Variants in SEC11A observed in about 807,000 individuals in gnomAD.
SEC11A encodes the protein SEC11 homolog A, signal peptidase complex subunit, also known as signal peptidase complex catalytic subunit SEC11A.
A neutral mutation model predicts 25.6 loss-of-function variants in SEC11A; 14 were observed. The ratio of observed to expected loss-of-function variants is 0.55; its 90% confidence interval spans 0.36 to 0.85. The LOEUF (loss-of-function observed/expected upper bound fraction) is 0.85. Ranked by LOEUF, SEC11A falls within the 40% of genes least tolerant of loss-of-function variation. The pLI is 0.01. For synonymous variants in SEC11A, 83 were observed against 76.4 expected (o/e 1.09, Z -0.45); for missense variants, 153 against 222.9 (o/e 0.69, Z 2.00).
At chr15:84,707,941 C>T (rs1898145280) in intron 1 of SEC11A, among the ~76,000 whole-genome samples, 1 of 152,094 alleles carries the variant, frequency 6.6e-6, no homozygotes. Flanking sequence ...GGCATAGTGG[C>T]TCACATCTGT....
intron 3 of SEC11A, among the ~76,000 whole-genome samples, chr15:84,684,707 G>A (rs1051250805): frequency 3.3e-5 from 5 of 152,156 alleles, no homozygotes; most frequent in African/African-American, 1.2e-4. Context: ...AGAGGTGGGT[G>A]AATCATTTGA....
At chr15:84,693,603 G>A (rs557309184) in intron 1 of SEC11A, among the ~76,000 whole-genome samples, 1 of 151,882 alleles carries the variant, frequency 6.6e-6, no homozygotes, top group Admixed American at 6.6e-5. Context: ...GATTACAATG[G>A]GCATGCATCA....
intron 1 of SEC11A, among the ~76,000 whole-genome samples, chr15:84,703,897 A>C (rs1898021367): frequency 6.6e-6 from 1 of 152,198 alleles, no homozygotes; most frequent in Admixed American, 6.6e-5. Context: ...AGGTGAACAA[A>C]AATGACTTCT....
intron 1 of SEC11A, among the ~76,000 whole-genome samples, chr15:84,693,344 G>T: frequency 6.8e-6 from 1 of 147,450 alleles, no homozygotes. Flanking sequence ...CTGGATCTTG[G>T]TTCAAAAAAA....
chr15:84,677,934 GC>G (rs1257532683), intron 4 of SEC11A, among the ~76,000 whole-genome samples: 1 of 152,140 alleles, frequency 6.6e-6, no homozygotes, highest in African/African-American at 2.4e-5. Context: ...GGTGGCTCAT[GC>G]CTGTGGTCCC....
chr15:84,707,047 C>T (rs528296199), intron 1 of SEC11A, among the ~76,000 whole-genome samples: 6 of 152,246 alleles, frequency 3.9e-5, no homozygotes, highest in African/African-American at 1.4e-4. Flanking sequence ...GGAATCCTGT[C>T]CCACACTCCA....
At chr15:84,677,070 GAT>G (rs1897154385) in intron 4 of SEC11A, among the ~76,000 whole-genome samples, 1 of 151,982 alleles carries the variant, frequency 6.6e-6, no homozygotes, top group South Asian at 2.1e-4. Context: ...CAGCCTGGGT[GAT>G]AGAGTGAGAC....
chr15:84,670,737 A>G lies in SEC11A; in HGVS notation c.477T>C (p.Tyr159=), dbSNP rs1329056008. The G allele has an allele frequency of 1.4e-6, 2 of 1,443,772 alleles. No individual in the cohort carries two copies. Among genetic ancestry groups the G allele is most frequent in the Non-Finnish European group, 1.9e-6 (2 of 1,052,138 alleles). The allele number at this position is 1,443,772 out of a possible 1,614,324, so 89.4% of individuals were successfully genotyped here. ...TACAGACTCTTACCTTAAATTTAGGATAGTCATTCATGAGGATCGTCACAA... is the reference window on the plus strand; with the variant it reads ...TACAGACTCTTACCTTAAATTTAGGGTAGTCATTCATGAGGATCGTCACAA... ...IGIVTILMND[Y]PKFKYAVLFL... is the part of the protein sequence containing the mutation. The change falls in exon 5 of 6, where the codon TAT becomes TAC. Residue 159 remains tyrosine, a synonymous_variant. Coordinates refer to ENST00000268220, the MANE Select transcript of SEC11A (RefSeq NM_014300.4).
In SEC11A at chr15:84,669,849, G is replaced by A. The variant is rs1896933414; in HGVS notation, c.*170C>T. 4 of 1,243,336 alleles carry A rather than the reference G, an allele frequency of 3.2e-6. No homozygotes were observed. The highest frequency in any genetic ancestry group is 4.5e-6 in the Non-Finnish European group (4 of 887,856). 77.0% of individuals were successfully genotyped at this position (1,243,336 alleles called of 1,614,324 possible). On this transcript the variant is annotated 3_prime_UTR_variant, in exon 6 of 6. Transcript: ENST00000268220. ...CTCGAGTGCACTCTGTGGTGCACAT[G>A]CGCCCGCCCACACAAACTCTGGCAT...
chr15:84,687,484 C>G (rs1897462241), intron 3 of SEC11A, 141 bp downstream of exon 3: 2 of 569,068 alleles, frequency 3.5e-6, no homozygotes, highest in African/African-American at 1.9e-5. Flanking sequence ...GTTCACTAAA[C>G]TTTCCAGCAT....
chr15:84,701,069 A>T (rs562219252), intron 1 of SEC11A, among the ~76,000 whole-genome samples: 1 of 151,458 alleles, frequency 6.6e-6, no homozygotes, highest in East Asian at 1.9e-4. Context: ...AACAGCAGAC[A>T]GGTGAAAATA....
At chr15:84,678,327 T>A (rs1223088503) in intron 4 of SEC11A, among the ~76,000 whole-genome samples, 1 of 152,208 alleles carries the variant, frequency 6.6e-6, no homozygotes, top group Non-Finnish European at 1.5e-5. Context: ...GTCAAAAGCC[T>A]TAACATATGA....
intron 3 of SEC11A, among the ~76,000 whole-genome samples, chr15:84,685,057 C>T (rs1897379245): frequency 6.6e-6 from 1 of 152,144 alleles, no homozygotes; most frequent in Non-Finnish European, 1.5e-5. Flanking sequence ...CTACACAGGC[C>T]TGCAAGTTGA....
rs1596064828 is a variant in SEC11A, at chr15:84,670,581, T to C, written c.489+144A>G. The stretch of plus-strand genomic sequence containing the variant: ...TTTTAATAGAGACGGGGTTTCGCTA[T>C]GTTGCCCAGGCTGGTCTTGAACTCC... On this transcript the variant is annotated intron_variant, in intron 5 of 5. Coordinates refer to ENST00000268220, the MANE Select transcript of SEC11A (RefSeq NM_014300.4). The C allele has an allele frequency of 1.1e-5, 5 of 475,752 alleles. No homozygotes were observed. In the East Asian group the frequency reaches 1.9e-4, roughly 18 times the overall value. 29.5% of individuals were successfully genotyped at this position (475,752 alleles called of 1,614,324 possible). A position where few individuals can be genotyped will look rare whatever the true frequency, so the allele number is the denominator to read the frequency against.
intron 1 of SEC11A, among the ~76,000 whole-genome samples, chr15:84,715,587 CG>C (rs1316393509): frequency 6.6e-6 from 1 of 152,176 alleles, no homozygotes; most frequent in Non-Finnish European, 1.5e-5. Context: ...AGCAGCAAAA[CG>C]GTTTTTGTGG....
At chr15:84,672,968 T>A in intron 4 of SEC11A, 1 of 221,322 alleles carries the variant, frequency 4.5e-6, no homozygotes, top group South Asian at 4.1e-5. Flanking sequence ...GTCTGAGAAG[T>A]GAGGAGACCC....
intron 4 of SEC11A, chr15:84,679,986 T>A: frequency 6.7e-7 from 1 of 1,495,048 alleles, no homozygotes; most frequent in Non-Finnish European, 9.0e-7. Flanking sequence ...CAAACAGGCT[T>A]AATATAACTT....
At chr15:84,690,763 G>T (rs1443728471) in intron 2 of SEC11A, among the ~76,000 whole-genome samples, 1 of 152,120 alleles carries the variant, frequency 6.6e-6, no homozygotes, top group Non-Finnish European at 1.5e-5. Flanking sequence ...GATATTTAAA[G>T]GTCAGCAGGA....
rs963993231 is a variant in SEC11A, at chr15:84,696,668, G to T, written c.52-5024C>A. Among the ~76,000 whole-genome samples, 7 of 152,192 alleles carry T rather than the reference G, an allele frequency of 4.6e-5. No homozygotes were observed. In the South Asian group the frequency reaches 1.5e-3, roughly 32 times the overall value. On this transcript the variant is annotated intron_variant, in intron 1 of 5. Coordinates refer to ENST00000268220, the MANE Select transcript of SEC11A (RefSeq NM_014300.4). Reference sequence around the variant, plus strand: ...GTACCCTATGTTACATATACTCTTAGCAGGGTTTATGGCAATATCCCAATA... The same window carrying T: ...GTACCCTATGTTACATATACTCTTATCAGGGTTTATGGCAATATCCCAATA...
Sources: gnomAD v4.1 joint callset for allele counts (sites outside exome capture counted in the v4.1 genomes callset) on GRCh38, gnomAD v4.1.1 for gene constraint, MANE v1.5 for transcripts, NCBI Gene and HGNC (gene_info 2026-07-23, HGNC 2026-07-21) for gene names.